CDK6: variants seen among roughly 807,000 people sequenced by gnomAD.
CDK6 encodes cyclin dependent kinase 6.
Under a neutral mutation model 37.1 loss-of-function variants are expected in CDK6, and 6 were observed. The observed-to-expected ratio is 0.16, with a 90% CI of 0.09 to 0.32. The LOEUF is 0.32. Among genes scored for constraint, CDK6 ranks in the 10% least tolerant of loss-of-function variants. CDK6 has a pLI of 1.00. For synonymous variants in CDK6, 160 were observed against 161.3 expected, an observed-to-expected ratio of 0.99 and a Z score of 0.06; for missense variants, 224 against 418.9, an observed-to-expected ratio of 0.53 and a Z score of 4.06.
chr7:92,728,168 A>G (rs1045035935), intron 3 of CDK6, among the ~76,000 whole-genome samples: 2 of 152,230 alleles, frequency 1.3e-5, no homozygotes, highest in African/African-American at 2.4e-5. Context: ...AATTGCTAAG[A>G]TGTATAGATG....
At chr7:92,788,629 T>C (rs1016438962) in intron 2 of CDK6, among the ~76,000 whole-genome samples, 1 of 152,194 alleles carries the variant, frequency 6.6e-6, no homozygotes, top group African/African-American at 2.4e-5. Flanking sequence ...GTTTACTAAG[T>C]ACATGCAGAT....
At chr7:92,712,890 T>C (rs1370179514) in intron 4 of CDK6, among the ~76,000 whole-genome samples, 2 of 151,680 alleles carry the variant, frequency 1.3e-5, no homozygotes, top group Non-Finnish European at 2.9e-5. Context: ...ATTTATTTAT[T>C]TGAGATGGAG....
rs147144107 is a variant in CDK6 at position 92,749,349 on chromosome 7, C to T, written c.370-23556G>A. Among the ~76,000 whole-genome samples, 672 of 152,192 alleles carry T rather than the reference C, an allele frequency of 4.4e-3. 3 individuals carry two copies. The highest frequency in any genetic ancestry group is 7.3e-3 in the Non-Finnish European group (495 of 67,990). ...AAAGTTAGCTTGGTGTGGTAGTGTGCACCTGTAGTTTCAGCTACTTGGGAG... is the reference window on the plus strand; with the variant it reads ...AAAGTTAGCTTGGTGTGGTAGTGTGTACCTGTAGTTTCAGCTACTTGGGAG... On this transcript the variant is annotated intron_variant, in intron 3 of 7. Coordinates refer to ENST00000424848, the MANE Select transcript of CDK6 (RefSeq NM_001145306.2).
Position 92,774,939 on chromosome 7 carries a change from G to C in CDK6, c.234-108C>G. ...GTCTCATAATAGAAAAAAAAGGCCA[G>C]TGTTGATCATTTCTTGTGATCATAT... On this transcript the variant is annotated intron_variant, in intron 2 of 7. Coordinates refer to ENST00000424848, the MANE Select transcript of CDK6 (RefSeq NM_001145306.2). The C allele has an allele frequency of 3.1e-6, 3 of 954,610 alleles. No homozygotes were observed. In the South Asian group the frequency reaches 5.0e-5, roughly 16 times the overall value. The allele number at this position is 954,610 out of a possible 1,614,324, so 59.1% of individuals were successfully genotyped here.
chr7:92,743,203 C>T (rs941799237), intron 3 of CDK6, among the ~76,000 whole-genome samples: 9 of 151,582 alleles, frequency 5.9e-5, no homozygotes, highest in Non-Finnish European at 1.0e-4. Flanking sequence ...TGGTGAAACC[C>T]CATATCTACT....
intron 5 of CDK6, among the ~76,000 whole-genome samples, chr7:92,642,883 G>A (rs1376634267): frequency 1.3e-5 from 2 of 151,506 alleles, no homozygotes; most frequent in Admixed American, 1.3e-4. Context: ...TGAGACTCAG[G>A]CTGAAAAAAG....
At chr7:92,831,279 C>A (rs1801471561) in intron 2 of CDK6, among the ~76,000 whole-genome samples, 1 of 152,182 alleles carries the variant, frequency 6.6e-6, no homozygotes, top group Non-Finnish European at 1.5e-5. Flanking sequence ...AAGTGTGCCT[C>A]TGGTATAAGA....
chr7:92,643,217 C>T (rs533020874), intron 5 of CDK6, among the ~76,000 whole-genome samples: 1 of 152,270 alleles, frequency 6.6e-6, no homozygotes, highest in South Asian at 2.1e-4. Flanking sequence ...TACAAATGAA[C>T]TAATGGGAAT....
chr7:92,680,552 CAA>C (rs1212419472), intron 4 of CDK6, among the ~76,000 whole-genome samples: 2 of 149,688 alleles, frequency 1.3e-5, no homozygotes, highest in Non-Finnish European at 3.0e-5. Context: ...TGACATATGG[CAA>C]AAAAATGTCT....
chr7:92,793,589 C>T (rs1800333907), intron 2 of CDK6, among the ~76,000 whole-genome samples: 1 of 152,048 alleles, frequency 6.6e-6, no homozygotes, highest in African/African-American at 2.4e-5. Flanking sequence ...ACAATATACA[C>T]AGAAATTAAC....
chr7:92,671,384 T>C, intron 5 of CDK6, 42 bp downstream of exon 5: 1 of 1,281,410 alleles, frequency 7.8e-7, no homozygotes, highest in South Asian at 1.5e-5. Context: ...ATCCACAGTC[T>C]CTTTTCAAGG....
At chr7:92,650,032 T>C (rs1796537334) in intron 5 of CDK6, among the ~76,000 whole-genome samples, 3 of 152,126 alleles carry the variant, frequency 2.0e-5, no homozygotes, top group Admixed American at 2.0e-4. Context: ...CAAAACAATC[T>C]CCCCTTTGTA....
chr7:92,607,021 C>T lies in CDK6; in HGVS notation c.*8119G>A, dbSNP rs142547656. 3.6e-3 allele frequency: 844 copies of T among 233,254 alleles called. 2 individuals carry two copies. The highest frequency in any genetic ancestry group is 5.3e-3 in the Non-Finnish European group (631 of 117,976). The allele number at this position is 233,254 out of a possible 1,614,324, so 14.4% of individuals were successfully genotyped here. Reference sequence around the variant, plus strand: ...TTTTATAATAAATTATACAGGCAATCCTTGCTTTTTATTACCACACTGGAT... The same window carrying T: ...TTTTATAATAAATTATACAGGCAATTCTTGCTTTTTATTACCACACTGGAT... On this transcript the variant is annotated 3_prime_UTR_variant, in exon 8 of 8. Coordinates refer to ENST00000424848, the MANE Select transcript of CDK6 (RefSeq NM_001145306.2).
chr7:92,665,567 T>C (rs1796937981), intron 5 of CDK6, among the ~76,000 whole-genome samples: 1 of 152,186 alleles, frequency 6.6e-6, no homozygotes, highest in African/African-American at 2.4e-5. Flanking sequence ...GCCCTATGAC[T>C]CTCTTTACTG....
intron 5 of CDK6, among the ~76,000 whole-genome samples, chr7:92,642,456 G>A (rs1490636244): frequency 6.6e-6 from 1 of 152,104 alleles, no homozygotes; most frequent in Non-Finnish European, 1.5e-5. Flanking sequence ...GTTCTGTCTA[G>A]AATCCCAGTA....
chr7:92,830,744 C>T (rs1312155670), intron 2 of CDK6, among the ~76,000 whole-genome samples: 1 of 152,184 alleles, frequency 6.6e-6, no homozygotes. Context: ...AGATCTGTAG[C>T]TCATGAGGGT....
rs980849238 is a variant in CDK6 at position 92,835,787 on chromosome 7, T to C, written c.-368+691A>G. Reference sequence around the variant, plus strand: ...CCCATATGCACACGGACGGGCGCGCTGCGGGGACCAGGGCTGCTCACTGCG... The same window carrying C: ...CCCATATGCACACGGACGGGCGCGCCGCGGGGACCAGGGCTGCTCACTGCG... On this transcript the variant is annotated intron_variant, in intron 1 of 7. Transcript: ENST00000424848. The surrounding 1 kb of genome is among the most constrained non-coding windows in gnomAD (Gnocchi z 4.2). 2.6e-5 allele frequency among the ~76,000 whole-genome samples: 4 copies of C among 152,214 alleles called. No individual in the cohort carries two copies. The highest frequency in any genetic ancestry group is 5.9e-5 in the Non-Finnish European group (4 of 68,032).
chr7:92,730,011 T>A (rs539075600), intron 3 of CDK6, among the ~76,000 whole-genome samples: 1 of 152,372 alleles, frequency 6.6e-6, no homozygotes, highest in South Asian at 2.1e-4. Flanking sequence ...CCCAAAGTGC[T>A]GCAATTACAG....
intron 2 of CDK6, among the ~76,000 whole-genome samples, chr7:92,810,699 G>A (rs773870880): frequency 2.8e-4 from 43 of 152,210 alleles, no homozygotes; most frequent in Non-Finnish European, 5.4e-4. Flanking sequence ...CAGGTTGGAA[G>A]TGACATAAGA....
Sources: gnomAD v4.1 joint callset for allele counts (sites outside exome capture counted in the v4.1 genomes callset) on GRCh38, gnomAD v4.1.1 for gene constraint, Gnocchi (gnomAD v3.1) non-coding constraint, MANE v1.5 for transcripts, NCBI Gene and HGNC (gene_info 2026-07-23, HGNC 2026-07-21) for gene names.